NCAM2: variants seen among roughly 807,000 people sequenced by gnomAD.
NCAM2 encodes the protein N-CAM-2.
A neutral mutation model predicts 98.1 loss-of-function variants in NCAM2; 30 were observed. The ratio of observed to expected loss-of-function variants is 0.31; its 90% confidence interval spans 0.23 to 0.41. NCAM2 has a LOEUF of 0.41. Among genes scored for constraint, NCAM2 ranks in the 10% least tolerant of loss-of-function variants. The pLI, the probability that NCAM2 is intolerant of heterozygous loss-of-function variation, is 1.00. For missense variants in NCAM2, 867 were observed against 1,005.8 expected, an observed-to-expected ratio of 0.86 and a Z score of 1.87; for synonymous variants, 368 against 342.4, an observed-to-expected ratio of 1.07 and a Z score of -0.83.
chr21:21,077,042 G>A (rs943069317), intron 1 of NCAM2, among the ~76,000 whole-genome samples: 1 of 152,098 alleles, frequency 6.6e-6, no homozygotes, highest in African/African-American at 2.4e-5. Flanking sequence ...AGAAAAGTGA[G>A]GTTTTGAATC....
chr21:21,119,254 G>A lies in NCAM2; in HGVS notation c.55+120636G>A, dbSNP rs142311377. ...TAGTCCTTTCGTTACTTTAATTAAT[G>A]TCACATCTCAATTCTAAGTGCTTGT... On this transcript the variant is annotated intron_variant, in intron 1 of 17. Coordinates refer to ENST00000400546, the MANE Select transcript of NCAM2 (RefSeq NM_004540.5). 3.1e-3 allele frequency among the ~76,000 whole-genome samples: 467 copies of A among 152,098 alleles called. 3 individuals are homozygous for A. The highest frequency in any genetic ancestry group is 0.011 in the African/African-American group (445 of 41,478).
At chr21:21,075,870 A>G (rs2065669871) in intron 1 of NCAM2, among the ~76,000 whole-genome samples, 1 of 152,168 alleles carries the variant, frequency 6.6e-6, no homozygotes, top group South Asian at 2.1e-4. Context: ...TAATCCCAGC[A>G]CTTTGGGAGG....
intron 8 of NCAM2, among the ~76,000 whole-genome samples, chr21:21,353,915 T>C (rs2075480140): frequency 6.6e-6 from 1 of 152,200 alleles, no homozygotes; most frequent in African/African-American, 2.4e-5. Context: ...AACTATGTTT[T>C]TATATCATAT....
chr21:21,433,486 T>A (rs1240123856), intron 12 of NCAM2, among the ~76,000 whole-genome samples: 2 of 151,852 alleles, frequency 1.3e-5, no homozygotes, highest in Non-Finnish European at 2.9e-5. Context: ...ATGCTTGTAA[T>A]CCCAGCACTT....
At chr21:21,500,360 C>A (rs1423641280) in intron 15 of NCAM2, among the ~76,000 whole-genome samples, 1 of 151,938 alleles carries the variant, frequency 6.6e-6, no homozygotes, top group Non-Finnish European at 1.5e-5. Flanking sequence ...TAAATCTATC[C>A]ATTTAGGGAT....
chr21:21,479,608 A>ACTGCAACTAAGAGAGATTT (rs1491473437), intron 15 of NCAM2, among the ~76,000 whole-genome samples: 1 of 127,912 alleles, frequency 7.8e-6, no homozygotes, highest in Non-Finnish European at 1.8e-5. Flanking sequence ...AAAAAAAAAA[A>ACTGCAACTAAGAGAGATTT]TTGTTGATGA....
intron 9 of NCAM2, among the ~76,000 whole-genome samples, chr21:21,374,391 T>G (rs1025058373): frequency 4.6e-5 from 7 of 151,960 alleles, no homozygotes; most frequent in African/African-American, 1.7e-4. Context: ...TTTACATTTC[T>G]TATTCAAATT....
chr21:21,531,028 G>T (rs1491003297), intron 16 of NCAM2, among the ~76,000 whole-genome samples: 1 of 152,016 alleles, frequency 6.6e-6, no homozygotes, highest in Non-Finnish European at 1.5e-5. Flanking sequence ...TGTTATTTAA[G>T]ATTTGCATTT....
intron 1 of NCAM2, among the ~76,000 whole-genome samples, chr21:21,202,854 T>G (rs919352680): frequency 6.6e-6 from 1 of 152,352 alleles, no homozygotes; most frequent in South Asian, 2.1e-4. Context: ...TATTTTCCAT[T>G]TCACCTATAT....
intron 1 of NCAM2, among the ~76,000 whole-genome samples, chr21:21,266,949 A>G (rs1441548663): frequency 6.6e-6 from 1 of 152,096 alleles, no homozygotes; most frequent in African/African-American, 2.4e-5. Context: ...GCACAGGTAA[A>G]CTTGTGTCAT....
chr21:21,148,490 A>G (rs968357711), intron 1 of NCAM2, among the ~76,000 whole-genome samples: 3 of 152,204 alleles, frequency 2.0e-5, no homozygotes, highest in Non-Finnish European at 4.4e-5. Flanking sequence ...AGAAGAAGAT[A>G]CTGTTAAAGT....
intron 4 of NCAM2, among the ~76,000 whole-genome samples, chr21:21,289,195 T>C (rs1838927130): frequency 1.3e-5 from 2 of 151,956 alleles, no homozygotes; most frequent in South Asian, 4.1e-4. Context: ...ACAATTTTTA[T>C]ATAACCTACT....
intron 10 of NCAM2, among the ~76,000 whole-genome samples, chr21:21,413,934 G>T (rs1349482554): frequency 1.3e-5 from 2 of 152,140 alleles, no homozygotes; most frequent in Non-Finnish European, 2.9e-5. Flanking sequence ...AATACTGTTT[G>T]TTAGGAATTA....
At chr21:21,263,857 C>A (rs2072019345) in intron 1 of NCAM2, among the ~76,000 whole-genome samples, 1 of 151,892 alleles carries the variant, frequency 6.6e-6, no homozygotes. Flanking sequence ...AAAAGTAGCT[C>A]AAGATGAATT....
chr21:21,279,919 T>C (rs1601850673), intron 1 of NCAM2, among the ~76,000 whole-genome samples: 1 of 152,342 alleles, frequency 6.6e-6, no homozygotes. Flanking sequence ...AATATGTCAA[T>C]TCATATTAAA....
chr21:21,079,189 TTAAAG>T (rs1476711865), intron 1 of NCAM2, among the ~76,000 whole-genome samples: 2 of 151,062 alleles, frequency 1.3e-5, no homozygotes, highest in Admixed American at 6.6e-5. Flanking sequence ...ATCCCGGAAC[TTAAAG>T]TAAAATAAAA....
intron 1 of NCAM2, among the ~76,000 whole-genome samples, chr21:21,097,068 G>A (rs921221087): frequency 1.3e-5 from 2 of 151,318 alleles, no homozygotes; most frequent in Admixed American, 6.6e-5. Context: ...TATTTTTGTC[G>A]GCCAATTCCT....
intron 12 of NCAM2, among the ~76,000 whole-genome samples, chr21:21,440,723 A>T (rs1476439053): frequency 6.6e-6 from 1 of 151,896 alleles, no homozygotes; most frequent in Non-Finnish European, 1.5e-5. Context: ...GAAAAAACAG[A>T]GAAGGAGAGA....
At position 21,530,098 on chromosome 21, in the gene NCAM2, ATTATATATAATTTAATTTAATTT is replaced by A. The variant is rs1569141542; in HGVS notation, c.2283-4438_2283-4416del. Among the ~76,000 whole-genome samples, 110 of 137,926 alleles carry A rather than the reference ATTATATATAATTTAATTTAATTT, an allele frequency of 8.0e-4. 3 individuals carry two copies. Among genetic ancestry groups the A allele is most frequent in the Middle Eastern group, 8.1e-3 (2 of 246 alleles). The allele number at this position is 137,926 out of a possible 152,430, so 90.5% of individuals were successfully genotyped here. On this transcript the variant is annotated intron_variant, in intron 16 of 17. Transcript: ENST00000400546. ...AAATTATATAATTTAATTTAATTTA[ATTATATATAATTTAATTTAATTT>A]AATTATATATGATTTAATTTAATTT...
Sources: gnomAD v4.1 joint callset for allele counts (sites outside exome capture counted in the v4.1 genomes callset) on GRCh38, gnomAD v4.1.1 for gene constraint, MANE v1.5 for transcripts, NCBI Gene and HGNC (gene_info 2026-07-23, HGNC 2026-07-21) for gene names.